OR51L1: variants seen among roughly 807,000 people sequenced by gnomAD.
The protein encoded by OR51L1 is olfactory receptor family 51 subfamily L member 1.
OR51L1 carries 1 observed loss-of-function variant against 1.4 expected under a neutral mutation model. That is an observed-to-expected ratio of 0.72 (90% CI 0.26 to 3.42). The LOEUF is 3.42. Among genes scored for constraint, OR51L1 ranks in the 30% most tolerant of loss-of-function variants. The pLI is 0.20. For missense variants in OR51L1, 378 were observed against 380.0 expected, an observed-to-expected ratio of 0.99 and a Z score of 0.04; for synonymous variants, 156 against 144.2, an observed-to-expected ratio of 1.08 and a Z score of -0.59.
At chr11:4,996,062 C>A (rs1055360669) in intron 1 of OR51L1, among the ~76,000 whole-genome samples, 2 of 152,048 alleles carry the variant, frequency 1.3e-5, no homozygotes, top group African/African-American at 2.4e-5. Context: ...AGAATGGGAA[C>A]TCTTTTCAGG....
chr11:4,998,753 C>A (rs1847095179), intron 2 of OR51L1, 71 bp from the exon 3 acceptor site: 2 of 461,978 alleles, frequency 4.3e-6, no homozygotes, highest in Non-Finnish European at 7.6e-6. Flanking sequence ...CAGAGATGAC[C>A]ATATTTGTGT....
In OR51L1 at chr11:5,000,715, G is replaced by C. The variant is rs1847122123; in HGVS notation, c.*785G>C. On this transcript the variant is annotated 3_prime_UTR_variant, in exon 3 of 3. Coordinates refer to ENST00000641819, the MANE Select transcript of OR51L1 (RefSeq NM_001004755.2). ...CTGAAAGGAGACACTTCAGCATTCT[G>C]GGCAGAAAGCAGGGTTTTAATAAGA... The C allele has an allele frequency of 6.6e-6, 1 of 152,204 alleles. No homozygotes were observed. Among genetic ancestry groups the C allele is most frequent in the Non-Finnish European group, 1.5e-5 (1 of 68,072 alleles). The allele number at this position is 152,204 out of a possible 1,614,324, so 9.4% of individuals were successfully genotyped here. A position where few individuals can be genotyped will look rare whatever the true frequency, so the allele number is the denominator to read the frequency against.
chr11:4,996,772 TTC>T (rs1160508178), intron 1 of OR51L1, among the ~76,000 whole-genome samples: 8 of 150,532 alleles, frequency 5.3e-5, no homozygotes, highest in Non-Finnish European at 7.4e-5. Context: ...TTTCTTTCAT[TTC>T]TCTCTCTCTG....
rs1349542181 is a variant in OR51L1, at chr11:5,003,804, T to A, written c.*3874T>A. On this transcript the variant is annotated 3_prime_UTR_variant, in exon 3 of 3. Coordinates refer to ENST00000641819, the MANE Select transcript of OR51L1 (RefSeq NM_001004755.2). ...ATTCAAGTTGACATTGTGAGATGTA[T>A]GTATACAACCATCTTCTACAATCTA... 6.6e-6 allele frequency: 1 copy of A among 152,196 alleles called. No individual in the cohort carries two copies. The highest frequency in any genetic ancestry group is 1.5e-5 in the Non-Finnish European group (1 of 68,036). 9.4% of individuals were successfully genotyped at this position (152,196 alleles called of 1,614,324 possible).
In OR51L1 at chr11:5,003,887, C is replaced by T. The variant is rs1460414638; in HGVS notation, c.*3957C>T. ...AAATGTTCTTAATTTTAATTAAGTC[C>T]AACTTATAAATTTGCTTTTATGTTT... On this transcript the variant is annotated 3_prime_UTR_variant, in exon 3 of 3. Coordinates refer to ENST00000641819, the MANE Select transcript of OR51L1 (RefSeq NM_001004755.2). 3 of 152,110 alleles carry T rather than the reference C, an allele frequency of 2.0e-5. No homozygotes were observed. The highest frequency in any genetic ancestry group is 3.9e-4 in the East Asian group (2 of 5,172). The allele number at this position is 152,110 out of a possible 1,614,324, so 9.4% of individuals were successfully genotyped here. A position where few individuals can be genotyped will look rare whatever the true frequency, so the allele number is the denominator to read the frequency against.
rs1179004432 is a variant in OR51L1 at position 4,999,740 on chromosome 11, T to C, written c.758T>C (p.Phe253Ser). 3 of 1,614,074 alleles carry C rather than the reference T, an allele frequency of 1.9e-6. No homozygotes were observed. Among genetic ancestry groups the C allele is most frequent in the Non-Finnish European group, 2.5e-6 (3 of 1,180,000 alleles). The change falls in exon 3 of 3, where the codon TTC becomes TCC. Residue 253 changes from phenylalanine (F) to serine (S), a missense_variant. Physicochemically the swap from Phe to Ser is radical, Grantham distance 155. Coordinates refer to ENST00000641819, the MANE Select transcript of OR51L1 (RefSeq NM_001004755.2). The stretch of plus-strand genomic sequence containing the variant: ...TCCCATATCTGTGTGGTGCTTATCT[T>C]CTTTGTGCCAGTTATTGGGGTGTCA... ...CVSHICVVLI[F>S]FVPVIGVSMV...
intron 1 of OR51L1, among the ~76,000 whole-genome samples, chr11:4,995,554 T>TGATTAGCA (rs1847060726): frequency 6.6e-6 from 1 of 151,944 alleles, no homozygotes; most frequent in Non-Finnish European, 1.5e-5. Context: ...AGCGATAAGC[T>TGATTAGCA]GATTAGCAGA....
Position 4,999,708 on chromosome 11 carries a change from A to T in OR51L1, c.726A>T (p.Thr242=), listed in dbSNP as rs138409521. The change falls in exon 3 of 3, where the codon ACA becomes ACT. Residue 242 remains threonine (T), a synonymous_variant. Transcript: ENST00000641819. ...SREEQLKALN[T]CVSHICVVLI... is the part of the protein sequence containing the mutation. The stretch of plus-strand genomic sequence containing the variant: ...AAGAGCAGCTAAAGGCACTCAACAC[A>T]TGTGTATCCCATATCTGTGTGGTGC... The T allele has an allele frequency of 2.5e-6, 4 of 1,613,864 alleles. No individual in the cohort carries two copies. Among genetic ancestry groups the T allele is most frequent in the Non-Finnish European group, 2.5e-6 (3 of 1,179,972 alleles).
rs1194456292 is a variant in OR51L1, at chr11:5,000,118, A to G, written c.*188A>G. On this transcript the variant is annotated 3_prime_UTR_variant, in exon 3 of 3. Transcript: ENST00000641819. ...TTTTTTTGGACAAATTGTGACAACT[A>G]TGGCCTTACGTTGTCCCCAGGTCAT... 2 of 590,782 alleles carry G rather than the reference A, an allele frequency of 3.4e-6. No homozygotes were observed. The highest frequency in any genetic ancestry group is 2.9e-5 in the South Asian group (1 of 34,950). 36.6% of individuals were successfully genotyped at this position (590,782 alleles called of 1,614,324 possible). A position where few individuals can be genotyped will look rare whatever the true frequency, so the allele number is the denominator to read the frequency against.
Position 4,995,823 on chromosome 11 carries a change from G to C in OR51L1, c.-262+488G>C, listed in dbSNP as rs182961323. On this transcript the variant is annotated intron_variant, in intron 1 of 2. Coordinates refer to ENST00000641819, the MANE Select transcript of OR51L1 (RefSeq NM_001004755.2). Reference sequence around the variant, plus strand: ...AAATAGAGTCAAAAGAAAATGAATAGAGAAAAGACAATAAATGGATTTTAA... The same window carrying C: ...AAATAGAGTCAAAAGAAAATGAATACAGAAAAGACAATAAATGGATTTTAA... Among the ~76,000 whole-genome samples, 276 of 152,160 alleles carry C rather than the reference G, an allele frequency of 1.8e-3. 1 individual carries two copies. Among genetic ancestry groups the C allele is most frequent in the African/African-American group, 6.4e-3 (265 of 41,538 alleles).
At chr11:4,996,699 TTTCCTTCCTTC>T (rs1564822181) in intron 1 of OR51L1, among the ~76,000 whole-genome samples, 206 of 137,506 alleles carry the variant, frequency 1.5e-3, no homozygotes, top group African/African-American at 5.6e-3. Flanking sequence ...TTTTCTTTCT[TTTCCTTCCTTC>T]CTTTCTTTTC....
In OR51L1 at chr11:5,001,745, GC is replaced by G. The variant is rs1022840940; in HGVS notation, c.*1817del. 9.2e-5 allele frequency: 14 copies of G among 151,860 alleles called. No homozygotes were observed. Among genetic ancestry groups the G allele is most frequent in the African/African-American group, 3.4e-4 (14 of 41,328 alleles). 9.4% of individuals were successfully genotyped at this position (151,860 alleles called of 1,614,324 possible). A position where few individuals can be genotyped will look rare whatever the true frequency, so the allele number is the denominator to read the frequency against. Reference sequence around the variant, plus strand: ...GTATAGCACACTTTTTGAATATGGGGCCATGTCTATTACCTTATCACAGCAC... The same window carrying G: ...GTATAGCACACTTTTTGAATATGGGGCATGTCTATTACCTTATCACAGCAC... On this transcript the variant is annotated 3_prime_UTR_variant, in exon 3 of 3. Transcript: ENST00000641819.
At chr11:4,996,711 C>T (rs1389363107) in intron 1 of OR51L1, among the ~76,000 whole-genome samples, 19,531 of 116,776 alleles carry the variant, frequency 0.17, 1,644 homozygotes, top group Middle Eastern at 0.24. Context: ...TCCTTCCTTC[C>T]TTTCTTTTCT....
rs1050174385 is a variant in OR51L1 at position 5,000,467 on chromosome 11, A to G, written c.*537A>G. ...CTGCTGCTGTGGCCATTTGCTATGT[A>G]CAAGTTCTAATCTCATCACTTAGTG... On this transcript the variant is annotated 3_prime_UTR_variant, in exon 3 of 3. Coordinates refer to ENST00000641819, the MANE Select transcript of OR51L1 (RefSeq NM_001004755.2). The G allele has an allele frequency of 1.3e-5, 2 of 155,186 alleles. No individual in the cohort carries two copies. Among genetic ancestry groups the G allele is most frequent in the African/African-American group, 4.8e-5 (2 of 41,446 alleles). The allele number at this position is 155,186 out of a possible 1,614,324, so 9.6% of individuals were successfully genotyped here.
In OR51L1 at chr11:4,999,646, C is replaced by G. The variant is rs76895431; in HGVS notation, c.664C>G (p.Leu222Val). Residue 222 changes from leucine to valine, a missense_variant, in exon 3 of 3, where the codon CTG becomes GTG. By Grantham distance (32) the Leu-to-Val change is conservative. Transcript: ENST00000641819. The stretch of plus-strand genomic sequence containing the variant: ...AATCTTCATACTTCTTTCTTATGTT[C>G]TGATTCTTAATACTGTGCTGGATAT... ...DSIFILLSYV[L>V]ILNTVLDIAS... The G allele has an allele frequency of 1.9e-3, 3,061 of 1,613,954 alleles. 50 individuals carry two copies. The African/African-American group carries it at 0.036, about 19-fold the overall frequency.
intron 1 of OR51L1, among the ~76,000 whole-genome samples, chr11:4,996,817 C>G (rs532438818): frequency 6.8e-6 from 1 of 147,884 alleles, no homozygotes; most frequent in Non-Finnish European, 1.5e-5. Context: ...CTCTCTCACT[C>G]TGTGTGTGTG....
At position 5,002,001 on chromosome 11, in the gene OR51L1, G is replaced by A. The variant is rs550535391; in HGVS notation, c.*2071G>A. 1 of 152,260 alleles carries A rather than the reference G, an allele frequency of 6.6e-6. No homozygotes were observed. The highest frequency in any genetic ancestry group is 2.1e-4 in the South Asian group (1 of 4,822). 9.4% of individuals were successfully genotyped at this position (152,260 alleles called of 1,614,324 possible). ...TTTTATAATATTGATATATTAATAA[G>A]TGGTCAATTTCACTTGAGGATTTAA... On this transcript the variant is annotated 3_prime_UTR_variant, in exon 3 of 3. Transcript: ENST00000641819.
Position 5,000,258 on chromosome 11 carries a change from T to C in OR51L1, c.*328T>C. 4.9e-6 allele frequency: 1 copy of C among 204,068 alleles called. No homozygotes were observed. The highest frequency in any genetic ancestry group is 1.0e-5 in the Non-Finnish European group (1 of 100,492). 12.6% of individuals were successfully genotyped at this position (204,068 alleles called of 1,614,324 possible). On this transcript the variant is annotated 3_prime_UTR_variant, in exon 3 of 3. Coordinates refer to ENST00000641819, the MANE Select transcript of OR51L1 (RefSeq NM_001004755.2). ...TTAATGATAACAGTATTTTCCTTCT[T>C]AAATGTAGCTGTGTTTATATTGTTT... is the stretch of plus-strand genomic sequence containing the variant.
Position 4,999,228 on chromosome 11 carries a change from C to G in OR51L1, c.246C>G (p.Thr82=), listed in dbSNP as rs374482511. The G allele has an allele frequency of 1.7e-5, 28 of 1,614,052 alleles. No individual in the cohort carries two copies. In the African/African-American group the frequency reaches 3.6e-4, roughly 21 times the overall value. Reference sequence around the variant, plus strand: ...GGATGTCCCTGTCTACACTTCCCACCATGCTTGCTGTGTTATGGTTGGATG... The same window carrying G: ...GGATGTCCCTGTCTACACTTCCCACGATGCTTGCTGTGTTATGGTTGGATG... ...DLGMSLSTLP[T]MLAVLWLDAP... Residue 82 remains threonine (T), a synonymous_variant, in exon 3 of 3, where the codon ACC becomes ACG. Coordinates refer to ENST00000641819, the MANE Select transcript of OR51L1 (RefSeq NM_001004755.2).
Sources: allele counts gnomAD v4.1 joint callset (sites outside exome capture counted in the v4.1 genomes callset), GRCh38; gene constraint gnomAD v4.1.1; transcripts MANE v1.5; gene names NCBI Gene and HGNC (gene_info 2026-07-23, HGNC 2026-07-21).